The following SAMD12 variants were observed in gnomAD, a reference collection of about 807,000 sequenced individuals.
SAMD12 encodes sterile alpha motif domain containing 12, also known as sterile alpha motif domain-containing protein 12.
Under a neutral mutation model 15.0 loss-of-function variants are expected in SAMD12, and 9 were observed. That is an observed-to-expected ratio of 0.60 (90% CI 0.36 to 1.05). The LOEUF (loss-of-function observed/expected upper bound fraction) is 1.05, where lower values mean the gene tolerates loss of function less well. Ranked by LOEUF, SAMD12 falls within the 50% of genes least tolerant of loss-of-function variation. The probability of loss-of-function intolerance (pLI) is 0.01; values close to 1 mark genes in which losing one functional copy is unlikely to be tolerated. For synonymous variants in SAMD12, 86 were observed against 90.1 expected (o/e 0.96, Z 0.25); for missense variants, 230 against 234.2 (o/e 0.98, Z 0.12).
rs537635796 is a variant in SAMD12 at position 118,492,717 on chromosome 8, A to G, written c.193-52756T>C. 2.6e-3 allele frequency among the ~76,000 whole-genome samples: 399 copies of G among 152,348 alleles called. 4 individuals are homozygous for G. The highest frequency in any genetic ancestry group is 9.4e-3 in the African/African-American group (389 of 41,592). ...ACCTAACAAAAGCATGTAAAATGAT[A>G]CTGGACATAAAGAGGGAACTTGAAA... On this transcript the variant is annotated intron_variant, in intron 2 of 3. Coordinates refer to ENST00000314727, the MANE Select transcript of SAMD12 (RefSeq NM_207506.3).
chr8:118,447,922 G>A (rs1358293452), intron 2 of SAMD12, among the ~76,000 whole-genome samples: 1 of 151,286 alleles, frequency 6.6e-6, no homozygotes, highest in African/African-American at 2.4e-5. Flanking sequence ...TAGAGACGGG[G>A]TTTCACTGTG....
the SAMD12 span, among the ~76,000 whole-genome samples, chr8:118,145,633 C>T: frequency 2.0e-5 from 3 of 152,264 alleles, no homozygotes; most frequent in South Asian, 4.1e-4. Flanking sequence ...GGAGAGTAAG[C>T]CGTGAACGTG....
intron 2 of SAMD12, among the ~76,000 whole-genome samples, chr8:118,493,591 G>C (rs958583084): frequency 6.6e-6 from 1 of 152,206 alleles, no homozygotes; most frequent in Non-Finnish European, 1.5e-5. Flanking sequence ...TCAAGGTGGA[G>C]GGATGATTAT....
At chr8:118,561,119 C>T (rs1266037873) in intron 2 of SAMD12, among the ~76,000 whole-genome samples, 3 of 152,060 alleles carry the variant, frequency 2.0e-5, no homozygotes, top group African/African-American at 7.2e-5. Flanking sequence ...TTAAACCCCA[C>T]AAAACCCTCT....
intron 4 of SAMD12, among the ~76,000 whole-genome samples, chr8:118,208,291 G>T (rs2129805101): frequency 6.6e-6 from 1 of 152,284 alleles, no homozygotes; most frequent in South Asian, 2.1e-4. Flanking sequence ...AAATAAAAAA[G>T]TATTAATGAA....
intron 2 of SAMD12, among the ~76,000 whole-genome samples, chr8:118,489,357 T>C (rs1237396348): frequency 6.6e-6 from 1 of 152,202 alleles, no homozygotes; most frequent in East Asian, 1.9e-4. Flanking sequence ...TACTTTATCA[T>C]TTTTCCTTGT....
At chr8:118,484,712 CCTCT>C (rs1050390825) in intron 2 of SAMD12, among the ~76,000 whole-genome samples, 2 of 152,024 alleles carry the variant, frequency 1.3e-5, no homozygotes, top group African/African-American at 2.4e-5. Context: ...AGGAGCCTTA[CCTCT>C]CTCTCTGTTG....
intron 2 of SAMD12, among the ~76,000 whole-genome samples, chr8:118,492,884 G>T (rs1824490466): frequency 6.6e-6 from 1 of 152,074 alleles, no homozygotes; most frequent in African/African-American, 2.4e-5. Flanking sequence ...TTAAAAGCCA[G>T]AAAAAGTGAT....
intron 2 of SAMD12, among the ~76,000 whole-genome samples, chr8:118,536,152 TC>T (rs1563569046): frequency 6.6e-6 from 1 of 152,168 alleles, no homozygotes; most frequent in Non-Finnish European, 1.5e-5. Context: ...CTAGTGATTA[TC>T]CTGGTAACCA....
At chr8:118,608,370 G>C (rs1218944817) in intron 1 of SAMD12, among the ~76,000 whole-genome samples, 1 of 151,814 alleles carries the variant, frequency 6.6e-6, no homozygotes, top group Non-Finnish European at 1.5e-5. Flanking sequence ...CAGTTTCCTA[G>C]TTTCGTCTTC....
intron 1 of SAMD12, among the ~76,000 whole-genome samples, chr8:118,609,564 G>A (rs1586854727): frequency 6.6e-6 from 1 of 152,082 alleles, no homozygotes; most frequent in East Asian, 1.9e-4. Flanking sequence ...TGAAGAGTTG[G>A]AAGCGATTAT....
chr8:118,345,165 T>G (rs1195619253), intron 4 of SAMD12, among the ~76,000 whole-genome samples: 1 of 152,182 alleles, frequency 6.6e-6, no homozygotes, highest in Non-Finnish European at 1.5e-5. Flanking sequence ...TTAAACATAT[T>G]TTGATATACA....
intron 4 of SAMD12, among the ~76,000 whole-genome samples, chr8:118,248,356 T>C (rs1422429670): frequency 6.6e-6 from 1 of 152,182 alleles, no homozygotes; most frequent in East Asian, 1.9e-4. Flanking sequence ...GTTCTTGCTC[T>C]TGGCTACTCT....
At chr8:118,313,879 A>T (rs949339707) in intron 4 of SAMD12, among the ~76,000 whole-genome samples, 1 of 151,770 alleles carries the variant, frequency 6.6e-6, no homozygotes, top group African/African-American at 2.4e-5. Context: ...ATTTTTTGAC[A>T]TGTGCTTGTG....
At chr8:118,142,762 G>T in the SAMD12 span, among the ~76,000 whole-genome samples, 52 of 152,292 alleles carry the variant, frequency 3.4e-4, no homozygotes, top group South Asian at 4.8e-3. Flanking sequence ...TCTCTGCAGT[G>T]CCAAGCAAAG....
chr8:118,184,283 A>G, the SAMD12 span, among the ~76,000 whole-genome samples: 1 of 152,340 alleles, frequency 6.6e-6, no homozygotes, highest in South Asian at 2.1e-4. Context: ...GCAGGGATGT[A>G]TCTGTCATGT....
chr8:118,361,650 C>T (rs1488773311), intron 4 of SAMD12, among the ~76,000 whole-genome samples: 1 of 152,176 alleles, frequency 6.6e-6, no homozygotes, highest in East Asian at 1.9e-4. Context: ...GGATATTCAT[C>T]ACTTTCCTGC....
At chr8:118,470,431 A>G (rs56206420) in intron 2 of SAMD12, among the ~76,000 whole-genome samples, 6,459 of 152,232 alleles carry the variant, frequency 0.042, 368 homozygotes, top group African/African-American at 0.13. Context: ...CTCTGTTTTT[A>G]TAGTGGAAAG....
At chr8:118,221,150 C>T (rs1258124035) in intron 4 of SAMD12, among the ~76,000 whole-genome samples, 2 of 152,050 alleles carry the variant, frequency 1.3e-5, no homozygotes, top group East Asian at 1.9e-4. Context: ...TTAGTATTTA[C>T]GGTCTGGCTC....
Sources: allele counts gnomAD v4.1 joint callset (sites outside exome capture counted in the v4.1 genomes callset), GRCh38; gene constraint gnomAD v4.1.1; transcripts MANE v1.5; gene names NCBI Gene and HGNC (gene_info 2026-07-23, HGNC 2026-07-21).